Variants in AGMO observed in about 807,000 individuals in gnomAD.
AGMO encodes the protein alkylglycerol monooxygenase.
A neutral mutation model predicts 60.2 loss-of-function variants in AGMO; 75 were observed. The observed-to-expected ratio is 1.25, with a 90% confidence interval of 1.03 to 1.51. The LOEUF (loss-of-function observed/expected upper bound fraction) is 1.51, where lower values mean the gene tolerates loss of function less well. Ranked by LOEUF, AGMO falls within the 40% of genes most tolerant of loss-of-function variation. The pLI is 0.00. For missense variants in AGMO, 763 were observed against 525.5 expected (o/e 1.45, Z -4.42); for synonymous variants, 261 against 177.1 (o/e 1.47, Z -3.76).
At chr7:15,228,385 A>T (rs1264426222) in intron 12 of AGMO, among the ~76,000 whole-genome samples, 2 of 152,116 alleles carry the variant, frequency 1.3e-5, no homozygotes, top group Non-Finnish European at 2.9e-5. Context: ...CAATCTTGCT[A>T]GCTATAGAGC....
At chr7:15,359,535 T>C (rs1490210293) in intron 12 of AGMO, among the ~76,000 whole-genome samples, 1 of 152,112 alleles carries the variant, frequency 6.6e-6, no homozygotes, top group Non-Finnish European at 1.5e-5. Context: ...TGTTTTTTTG[T>C]AGAAGTAAAG....
At chr7:15,245,213 T>C (rs1341528350) in intron 12 of AGMO, among the ~76,000 whole-genome samples, 1 of 152,124 alleles carries the variant, frequency 6.6e-6, no homozygotes, top group African/African-American at 2.4e-5. Flanking sequence ...TTGACTACAA[T>C]GAAAGATGTC....
chr7:15,276,538 C>G (rs1293298009), intron 12 of AGMO, among the ~76,000 whole-genome samples: 3 of 152,098 alleles, frequency 2.0e-5, no homozygotes, highest in Admixed American at 2.0e-4. Flanking sequence ...TATATATTAT[C>G]TAGCAGCTGC....
intron 3 of AGMO, among the ~76,000 whole-genome samples, chr7:15,432,227 T>C (rs1008922229): frequency 6.6e-6 from 1 of 151,252 alleles, no homozygotes; most frequent in Non-Finnish European, 1.5e-5. Context: ...TAATTTTCTT[T>C]GCAGTTGCCA....
chr7:15,185,041 G>A, the AGMO span, among the ~76,000 whole-genome samples: 5 of 152,190 alleles, frequency 3.3e-5, no homozygotes, highest in East Asian at 3.9e-4. Context: ...TGGTGGCACC[G>A]ATAATAAAAT....
chr7:15,394,322 C>T lies in AGMO; in HGVS notation c.610-143G>A, dbSNP rs1032571069. On this transcript the variant is annotated intron_variant, in intron 5 of 12. Coordinates refer to ENST00000342526, the MANE Select transcript of AGMO (RefSeq NM_001004320.2). ...TATCAGAGAGTGGAAAAAAGTTCCA[C>T]TGAAATCTGGAATTCATATAAAGAC... The T allele has an allele frequency of 2.7e-5, 18 of 655,036 alleles. No individual in the cohort carries two copies. The African/African-American group carries it at 2.8e-4, about 10-fold the overall frequency. The allele number at this position is 655,036 out of a possible 1,614,324, so 40.6% of individuals were successfully genotyped here. A position where few individuals can be genotyped will look rare whatever the true frequency, so the allele number is the denominator to read the frequency against.
At chr7:15,404,250 C>T (rs953166117) in intron 5 of AGMO, among the ~76,000 whole-genome samples, 9 of 151,814 alleles carry the variant, frequency 5.9e-5, no homozygotes, top group African/African-American at 1.9e-4. Flanking sequence ...TTTTAAAGGA[C>T]TGCGTTTATA....
At chr7:15,328,826 GCATTTCCTTCTC>G (rs1781420510) in intron 12 of AGMO, among the ~76,000 whole-genome samples, 1 of 151,936 alleles carries the variant, frequency 6.6e-6, no homozygotes, top group African/African-American at 2.4e-5. Context: ...CCTCTCTGAG[GCATTTCCTTCTC>G]CTTTTCCTTT....
chr7:15,405,349 T>C (rs920542919), intron 5 of AGMO, among the ~76,000 whole-genome samples: 2 of 151,918 alleles, frequency 1.3e-5, no homozygotes, highest in Non-Finnish European at 2.9e-5. Context: ...ATAGTTATTA[T>C]CCTCAAGATG....
At chr7:15,385,056 A>G (rs1309869263) in intron 10 of AGMO, among the ~76,000 whole-genome samples, 2 of 152,168 alleles carry the variant, frequency 1.3e-5, no homozygotes, top group South Asian at 4.1e-4. Context: ...AAAACCCTTT[A>G]AATTCTATCA....
At chr7:15,508,819 ATAATAATG>A (rs1783596929) in intron 3 of AGMO, among the ~76,000 whole-genome samples, 1 of 152,214 alleles carries the variant, frequency 6.6e-6, no homozygotes, top group Non-Finnish European at 1.5e-5. Context: ...AGTCATGTAA[ATAATAATG>A]TATGGATATT....
chr7:15,377,946 G>C (rs983308689), intron 10 of AGMO, among the ~76,000 whole-genome samples: 1 of 151,936 alleles, frequency 6.6e-6, no homozygotes, highest in Non-Finnish European at 1.5e-5. Flanking sequence ...AGAAATTCTT[G>C]GTTTCAAATT....
At chr7:15,160,943 G>T in the AGMO span, among the ~76,000 whole-genome samples, 1 of 152,140 alleles carries the variant, frequency 6.6e-6, no homozygotes, top group Non-Finnish European at 1.5e-5. Context: ...CTGACAAGGG[G>T]CTTCATGCTA....
At chr7:15,376,695 A>T (rs927256765) in intron 10 of AGMO, among the ~76,000 whole-genome samples, 2 of 152,086 alleles carry the variant, frequency 1.3e-5, no homozygotes, top group Non-Finnish European at 2.9e-5. Context: ...TAGTTTGTAG[A>T]ACATGCTAGT....
intron 3 of AGMO, among the ~76,000 whole-genome samples, chr7:15,470,594 C>G (rs1178683217): frequency 6.6e-6 from 1 of 151,898 alleles, no homozygotes; most frequent in Non-Finnish European, 1.5e-5. Flanking sequence ...CTTATGTTAT[C>G]TAAGTGGATC....
chr7:15,482,998 T>C (rs570461577), intron 3 of AGMO, among the ~76,000 whole-genome samples: 136 of 152,312 alleles, frequency 8.9e-4, no homozygotes, highest in African/African-American at 2.9e-3. Flanking sequence ...TAAGTATCTA[T>C]CTTTAAAATA....
chr7:15,131,232 G>A, the AGMO span, among the ~76,000 whole-genome samples: 1 of 152,080 alleles, frequency 6.6e-6, no homozygotes, highest in South Asian at 2.1e-4. Context: ...GACGAATAAA[G>A]CAGTATTTTA....
the AGMO span, among the ~76,000 whole-genome samples, chr7:15,147,421 C>T: frequency 2.6e-5 from 4 of 151,988 alleles, no homozygotes; most frequent in Non-Finnish European, 4.4e-5. Flanking sequence ...AGAGAGAGGA[C>T]GTGTAGGGGA....
At chr7:15,459,064 A>AT (rs1235961159) in intron 3 of AGMO, among the ~76,000 whole-genome samples, 2 of 152,202 alleles carry the variant, frequency 1.3e-5, no homozygotes. Context: ...TACTGCCCAC[A>AT]TACAAATGTC....
Sources: gnomAD v4.1 joint callset for allele counts (sites outside exome capture counted in the v4.1 genomes callset) on GRCh38, gnomAD v4.1.1 for gene constraint, MANE v1.5 for transcripts, NCBI Gene and HGNC (gene_info 2026-07-23, HGNC 2026-07-21) for gene names.